UBAP2: variants seen among roughly 807,000 people sequenced by gnomAD.
UBAP2 encodes ubiquitin associated protein 2, also known as ubiquitin-associated protein 2.
UBAP2 carries 75 observed loss-of-function variants against 139.6 expected under a neutral mutation model. That is an observed-to-expected ratio of 0.54 (90% confidence interval 0.45 to 0.65). The LOEUF (loss-of-function observed/expected upper bound fraction) is 0.65, where lower values mean the gene tolerates loss of function less well. Among genes scored for constraint, UBAP2 ranks in the 30% least tolerant of loss-of-function variants. The probability of loss-of-function intolerance (pLI) is 0.00; values close to 1 mark genes in which losing one functional copy is unlikely to be tolerated. For synonymous variants in UBAP2, 526 were observed against 526.2 expected (o/e 1.00, Z 0.01); for missense variants, 1,368 against 1,369.6 (o/e 1.00, Z 0.02).
chr9:33,995,970 G>C, intron 4 of UBAP2: 1 of 345,944 alleles, frequency 2.9e-6, no homozygotes, highest in Non-Finnish European at 5.2e-6. Context: ...CACAGGCACA[G>C]AGATTTTTGG....
At chr9:33,973,826 C>A (rs1828087401) in intron 6 of UBAP2, among the ~76,000 whole-genome samples, 2 of 152,182 alleles carry the variant, frequency 1.3e-5, no homozygotes, top group South Asian at 2.1e-4. Flanking sequence ...CTTGACAACA[C>A]TGGATTTAGC....
intron 4 of UBAP2, among the ~76,000 whole-genome samples, chr9:33,991,005 C>G (rs1821663920): frequency 6.6e-6 from 1 of 152,140 alleles, no homozygotes; most frequent in Admixed American, 6.5e-5. Context: ...AACAACGTGG[C>G]CGAGCACACT....
At chr9:33,937,834 A>C (rs1824718155) in intron 16 of UBAP2, among the ~76,000 whole-genome samples, 1 of 151,864 alleles carries the variant, frequency 6.6e-6, no homozygotes. Flanking sequence ...AGGCAGGAGA[A>C]TCACGTGAAC....
intron 1 of UBAP2, among the ~76,000 whole-genome samples, chr9:34,026,725 C>T (rs186585002): frequency 3.2e-4 from 49 of 152,262 alleles, no homozygotes; most frequent in Admixed American, 1.5e-3. Context: ...CTAGAGTACA[C>T]ATTACTTTAC....
At chr9:34,038,994 C>T (rs1467639556) in intron 1 of UBAP2, among the ~76,000 whole-genome samples, 14 of 149,720 alleles carry the variant, frequency 9.4e-5, no homozygotes, top group Non-Finnish European at 1.6e-4. Context: ...AGTTGAGGAG[C>T]GTCTCTGCCC....
At chr9:33,971,054 C>T (rs1181958996) in intron 8 of UBAP2, among the ~76,000 whole-genome samples, 1 of 152,152 alleles carries the variant, frequency 6.6e-6, no homozygotes, top group African/African-American at 2.4e-5. Flanking sequence ...CCATCTGCCT[C>T]GGCCTCCCAA....
At position 34,035,514 on chromosome 9, in the gene UBAP2, A is replaced by ATATATATATATATATAT. The variant is rs1554692767; in HGVS notation, c.-42+13310_-42+13311insATATATATATATATATA. 3.3e-3 allele frequency among the ~76,000 whole-genome samples: 75 copies of ATATATATATATATATAT among 22,484 alleles called. 2 individuals carry two copies. Among genetic ancestry groups the ATATATATATATATATAT allele is most frequent in the African/African-American group, 9.3e-3 (73 of 7,844 alleles). 14.8% of individuals were successfully genotyped at this position (22,484 alleles called of 152,430 possible). ...GAGACTCCATCTAAAAAAAAAAAAAAATATATATATATAAAGATTAGCCAG... is the reference window on the plus strand; with the variant it reads ...GAGACTCCATCTAAAAAAAAAAAAAATATATATATATATATATATATATATATATAAAGATTAGCCAG... On this transcript the variant is annotated intron_variant, in intron 1 of 28. Coordinates refer to ENST00000379238, the MANE Select transcript of UBAP2 (RefSeq NM_001370062.2).
intron 15 of UBAP2, 62 bp from the exon 16 acceptor site, chr9:33,941,924 AAAAAC>A: frequency 8.1e-7 from 1 of 1,236,034 alleles, no homozygotes; most frequent in African/African-American, 1.5e-5. Context: ...ATAAAAAAAA[AAAAAC>A]ATAAACAGCT....
intron 1 of UBAP2, among the ~76,000 whole-genome samples, chr9:34,035,515 ATATATATAT>A (rs1826283767): frequency 3.8e-5 from 1 of 26,136 alleles, no homozygotes; most frequent in African/African-American, 1.2e-4. Context: ...AAAAAAAAAA[ATATATATAT>A]ATAAAGATTA....
At chr9:34,048,921 G>A (rs925864017), upstream of UBAP2, 15 of 152,328 alleles carry the variant, frequency 9.8e-5, no homozygotes, top group African/African-American at 2.4e-4. Context: ...GGCACAGGCT[G>A]CCCAACCCGT....
chr9:33,944,687 T>C (rs373200909), intron 13 of UBAP2, 48 bp from the exon 14 acceptor site: 6 of 1,588,496 alleles, frequency 3.8e-6, no homozygotes, highest in Non-Finnish European at 8.6e-7. Flanking sequence ...CTTCACAATG[T>C]TCTTCAATAG....
At chr9:33,967,105 C>T (rs926469917) in intron 8 of UBAP2, among the ~76,000 whole-genome samples, 2 of 152,096 alleles carry the variant, frequency 1.3e-5, no homozygotes, top group Admixed American at 1.3e-4. Flanking sequence ...TATCATTAGA[C>T]TTATTCCTAG....
intron 9 of UBAP2, among the ~76,000 whole-genome samples, chr9:33,961,616 G>A (rs534854931): frequency 1.3e-5 from 2 of 152,122 alleles, no homozygotes; most frequent in African/African-American, 4.8e-5. Flanking sequence ...CATAGATAAT[G>A]GTTTTAAAGG....
intron 1 of UBAP2, among the ~76,000 whole-genome samples, chr9:34,020,969 G>T (rs751640312): frequency 6.6e-6 from 1 of 152,004 alleles, no homozygotes; most frequent in African/African-American, 2.4e-5. Context: ...TTTCTAGAAC[G>T]GTCAGTTTTA....
At chr9:34,000,730 G>C (rs1223188848) in intron 2 of UBAP2, among the ~76,000 whole-genome samples, 1 of 152,134 alleles carries the variant, frequency 6.6e-6, no homozygotes, top group Non-Finnish European at 1.5e-5. Context: ...GACTGAAGTG[G>C]GATAAGTGGG....
chr9:33,921,807 T>G lies in UBAP2; in HGVS notation c.*697A>C, dbSNP rs1019375607. 2 of 152,490 alleles carry G rather than the reference T, an allele frequency of 1.3e-5. No homozygotes were observed. The highest frequency in any genetic ancestry group is 2.4e-5 in the African/African-American group (1 of 41,400). 9.4% of individuals were successfully genotyped at this position (152,490 alleles called of 1,614,324 possible). A position where few individuals can be genotyped will look rare whatever the true frequency, so the allele number is the denominator to read the frequency against. ...ATGTGTTGCTTGGAGATACCTTAGA[T>G]TTTTAAAGGGGAGCTGACTGGCTGA... On this transcript the variant is annotated 3_prime_UTR_variant, in exon 29 of 29. Coordinates refer to ENST00000379238, the MANE Select transcript of UBAP2 (RefSeq NM_001370062.2).
intron 6 of UBAP2, among the ~76,000 whole-genome samples, chr9:33,982,708 T>A (rs944469487): frequency 1.3e-5 from 2 of 152,128 alleles, no homozygotes; most frequent in African/African-American, 4.8e-5. Context: ...TAAGAAAAAC[T>A]ATGGTGATTT....
At chr9:33,946,400 T>C (rs934398004) in intron 13 of UBAP2, among the ~76,000 whole-genome samples, 2 of 152,238 alleles carry the variant, frequency 1.3e-5, no homozygotes, top group African/African-American at 4.8e-5. Context: ...AGATTCACTA[T>C]TTATGTTTAA....
intron 6 of UBAP2, among the ~76,000 whole-genome samples, chr9:33,976,601 T>C (rs1828365218): frequency 6.6e-6 from 1 of 152,168 alleles, no homozygotes. Flanking sequence ...TGTTCTAAAA[T>C]TGATTGTGGT....
Sources: gnomAD v4.1 joint callset for allele counts (sites outside exome capture counted in the v4.1 genomes callset) on GRCh38, gnomAD v4.1.1 for gene constraint, MANE v1.5 for transcripts, NCBI Gene and HGNC (gene_info 2026-07-23, HGNC 2026-07-21) for gene names.